LSS: variants seen among roughly 807,000 people sequenced by gnomAD.
The protein encoded by LSS is lanosterol synthase.
A neutral mutation model predicts 110.3 loss-of-function variants in LSS; 90 were observed. The ratio of observed to expected loss-of-function variants is 0.82; its 90% CI spans 0.69 to 0.97. The LOEUF is 0.97. Among genes scored for constraint, LSS ranks in the 50% least tolerant of loss-of-function variants. The pLI is 0.00. For missense variants in LSS, 927 were observed against 990.0 expected, an observed-to-expected ratio of 0.94 and a Z score of 0.85; for synonymous variants, 433 against 400.0, an observed-to-expected ratio of 1.08 and a Z score of -0.98.
chr21:46,215,400 C>G, intron 8 of LSS, 102 bp from the exon 9 acceptor site: 1 of 584,614 alleles, frequency 1.7e-6, no homozygotes, highest in Non-Finnish European at 2.9e-6. Flanking sequence ...CCAGGGTTTC[C>G]CCCTCCCACC....
chr21:46,207,819 G>C (rs186270330), intron 14 of LSS, among the ~76,000 whole-genome samples: 3 of 152,216 alleles, frequency 2.0e-5, no homozygotes, highest in Admixed American at 2.0e-4. Flanking sequence ...ATCTCACGAC[G>C]GACAGGATGG....
In LSS at chr21:46,219,516, A is replaced by C; in HGVS notation, c.607T>G (p.Tyr203Asp). ...AGGGTATTGAGGCCTTCCCAGCTGT[A>C]AACATTCAGGACAGCCAGCCAGAAC... ...GKFWLAVLNV[Y>D]SWEGLNTLFP... Residue 203 changes from tyrosine (Y) to aspartate (D), a missense_variant, in exon 6 of 22, where the codon TAC becomes GAC. By Grantham distance (160) the Tyr-to-Asp change is radical. Transcript: ENST00000397728. 2 of 1,603,652 alleles carry C rather than the reference A, an allele frequency of 1.2e-6. No homozygotes were observed. The highest frequency in any genetic ancestry group is 1.7e-6 in the Non-Finnish European group (2 of 1,175,138).
Position 46,221,840 on chromosome 21 carries a change from T to TGCACATGCC in LSS, c.550+5_550+13dup, listed in dbSNP as rs1278385292. 2.5e-6 allele frequency: 4 copies of TGCACATGCC among 1,613,848 alleles called. No homozygotes were observed. In the Admixed American group the frequency reaches 5.0e-5, roughly 20 times the overall value. On this transcript the variant is annotated intron_variant, in intron 5 of 21. Transcript: ENST00000397728. The stretch of plus-strand genomic sequence containing the variant: ...CACGAACCCCTGGCCCAGCACATGC[T>TGCACATGCC]GCACATGCCGTACCTTTCTTGTGAA...
intron 11 of LSS, among the ~76,000 whole-genome samples, chr21:46,211,770 G>C (rs190767841): frequency 6.3e-4 from 96 of 152,324 alleles, no homozygotes; most frequent in African/African-American, 2.3e-3. Context: ...GAAGCAACCA[G>C]TCAGATCTGC....
chr21:46,227,071 G>A (rs1377864545), intron 3 of LSS, among the ~76,000 whole-genome samples: 1 of 152,240 alleles, frequency 6.6e-6, no homozygotes, highest in Non-Finnish European at 1.5e-5. Context: ...AAATAGTCTT[G>A]TGTAGCCAAA....
intron 20 of LSS, chr21:46,193,881 G>A (rs1034467238): frequency 1.4e-5 from 6 of 429,388 alleles, no homozygotes; most frequent in Non-Finnish European, 2.8e-5. Context: ...GTGTGCATCT[G>A]TCTCCATGTA....
chr21:46,205,318 C>T (rs991303955), intron 17 of LSS, among the ~76,000 whole-genome samples: 1 of 149,266 alleles, frequency 6.7e-6, no homozygotes, highest in African/African-American at 2.5e-5. Flanking sequence ...CAGGAGAAGG[C>T]AACACGAATT....
At position 46,190,127 on chromosome 21, in the gene LSS, G is replaced by C. The variant is rs2030603005; in HGVS notation, c.*977C>G. The C allele has an allele frequency of 4.4e-6, 1 of 228,994 alleles. No individual in the cohort carries two copies. The highest frequency in any genetic ancestry group is 8.7e-6 in the Non-Finnish European group (1 of 114,594). The allele number at this position is 228,994 out of a possible 1,614,324, so 14.2% of individuals were successfully genotyped here. A position where few individuals can be genotyped will look rare whatever the true frequency, so the allele number is the denominator to read the frequency against. On this transcript the variant is annotated 3_prime_UTR_variant, in exon 22 of 22. Coordinates refer to ENST00000397728, the MANE Select transcript of LSS (RefSeq NM_002340.6). The surrounding 1 kb of genome is among the most constrained non-coding windows in gnomAD (Gnocchi z 4.6). ...CCCAGGGTGCCATACCTGCCAGCCA[G>C]CCCAGGGAGTGGTGATGGGCTGGGT...
chr21:46,207,405 G>C, intron 15 of LSS, 23 bp downstream of exon 15: 1 of 1,609,522 alleles, frequency 6.2e-7, no homozygotes, highest in Non-Finnish European at 8.5e-7. Context: ...GTATGGACGG[G>C]GCTGCTGGGA....
chr21:46,201,764 A>G (rs546255616), intron 17 of LSS, among the ~76,000 whole-genome samples: 1 of 152,014 alleles, frequency 6.6e-6, no homozygotes, highest in African/African-American at 2.4e-5. Flanking sequence ...TGCAACTCCA[A>G]ACTGTATCTC....
intron 21 of LSS, 66 bp downstream of exon 21, chr21:46,191,815 T>G: frequency 7.2e-7 from 1 of 1,379,670 alleles, no homozygotes; most frequent in Middle Eastern, 1.9e-4. Context: ...CAGGGGGACG[T>G]GGAAACAGCC....
chr21:46,217,077 T>A (rs991998759), intron 6 of LSS, among the ~76,000 whole-genome samples: 7 of 151,670 alleles, frequency 4.6e-5, no homozygotes, highest in Non-Finnish European at 8.8e-5. Context: ...CGAAACCCCA[T>A]CTCTACTAAA....
At chr21:46,213,957 C>T in intron 9 of LSS, 122 bp from the exon 10 acceptor site, 1 of 706,174 alleles carries the variant, frequency 1.4e-6, no homozygotes, top group Non-Finnish European at 2.5e-6. Context: ...CACTCAGGGC[C>T]AGGACAGGGG....
chr21:46,207,851 CA>C, intron 14 of LSS, among the ~76,000 whole-genome samples: 1 of 152,340 alleles, frequency 6.6e-6, no homozygotes, highest in East Asian at 1.9e-4. Context: ...CCCCCACCCC[CA>C]TTGTAAACAG....
rs770733501 is a variant in LSS, at chr21:46,216,573, C to T, written c.648-49G>A. 2.0e-6 allele frequency: 3 copies of T among 1,500,626 alleles called. No homozygotes were observed. Among genetic ancestry groups the T allele is most frequent in the Admixed American group, 4.5e-5 (2 of 44,896 alleles). 93.0% of individuals were successfully genotyped at this position (1,500,626 alleles called of 1,614,324 possible). On this transcript the variant is annotated intron_variant, in intron 6 of 21. Coordinates refer to ENST00000397728, the MANE Select transcript of LSS (RefSeq NM_002340.6). This position sits in a 1 kb window ranked among gnomAD's most constrained non-coding sequence, Gnocchi z 4.2. Reference sequence around the variant, plus strand: ...GGGAGACCCCAAGACTCAAGCCTGCCCCCTCCGCCAGCATCCATACCTTGG... The same window carrying T: ...GGGAGACCCCAAGACTCAAGCCTGCTCCCTCCGCCAGCATCCATACCTTGG...
Position 46,189,896 on chromosome 21 carries a change from C to A in LSS, c.*1208G>T. 2.8e-6 allele frequency: 1 copy of A among 358,222 alleles called. No homozygotes were observed. 22.2% of individuals were successfully genotyped at this position (358,222 alleles called of 1,614,324 possible). A position where few individuals can be genotyped will look rare whatever the true frequency, so the allele number is the denominator to read the frequency against. On this transcript the variant is annotated 3_prime_UTR_variant, in exon 22 of 22. Coordinates refer to ENST00000397728, the MANE Select transcript of LSS (RefSeq NM_002340.6). The stretch of plus-strand genomic sequence containing the variant: ...ATGTGAGCTGCTCATCCACATCAGG[C>A]AAAGGCAAAGCCAGGACCTGAACTT...
intron 9 of LSS, among the ~76,000 whole-genome samples, chr21:46,214,464 T>C (rs2080173779): frequency 6.6e-6 from 1 of 152,176 alleles, no homozygotes; most frequent in Non-Finnish European, 1.5e-5. Context: ...TGAGGTGGCA[T>C]GAGGCCCAGA....
chr21:46,215,636 CCT>C, intron 8 of LSS, 47 bp downstream of exon 8: 1 of 1,341,172 alleles, frequency 7.5e-7, no homozygotes, highest in Non-Finnish European at 1.0e-6. Flanking sequence ...TGGGCGACAC[CCT>C]GACCCTGACC....
rs762894322 is a variant in LSS, at chr21:46,207,469, C to T, written c.1426G>A (p.Glu476Lys). The T allele has an allele frequency of 1.6e-5, 25 of 1,612,340 alleles. No individual in the cohort carries two copies. The East Asian group carries it at 2.5e-4, about 16-fold the overall frequency. ...CAGAGCCGTTCTCTGGGGATGTGCT[C>T]GGTGACATGGGGACACTTCTCCTGC... ...LLQEKCPHVT[E>K]HIPRERLCDA... Residue 476 changes from glutamate to lysine, a missense_variant, in exon 15 of 22, where the codon GAG becomes AAG. Transcript: ENST00000397728.
Sources: gnomAD v4.1 joint callset for allele counts (sites outside exome capture counted in the v4.1 genomes callset) on GRCh38, gnomAD v4.1.1 for gene constraint, Gnocchi (gnomAD v3.1) non-coding constraint, MANE v1.5 for transcripts, NCBI Gene and HGNC (gene_info 2026-07-23, HGNC 2026-07-21) for gene names.